The following AKAP6 variants were observed in gnomAD, a reference collection of about 807,000 sequenced individuals.
AKAP6 encodes A-kinase anchor protein 6.
AKAP6 carries 58 observed loss-of-function variants against 188.5 expected under a neutral mutation model. That is an observed-to-expected ratio of 0.31 (90% confidence interval 0.25 to 0.38). The LOEUF is 0.38. Among genes scored for constraint, AKAP6 ranks in the 10% least tolerant of loss-of-function variants. The probability of loss-of-function intolerance (pLI) is 1.00; values close to 1 mark genes in which losing one functional copy is unlikely to be tolerated. For missense variants in AKAP6, 2,710 were observed against 2,740.0 expected, an observed-to-expected ratio of 0.99 and a Z score of 0.24; for synonymous variants, 989 against 998.6, an observed-to-expected ratio of 0.99 and a Z score of 0.18.
At chr14:32,667,904 G>A (rs1018211992) in intron 7 of AKAP6, among the ~76,000 whole-genome samples, 1 of 152,086 alleles carries the variant, frequency 6.6e-6, no homozygotes, top group Non-Finnish European at 1.5e-5. Context: ...TGCAGTCATA[G>A]AGTTAATAGC....
At chr14:32,663,438 T>C (rs1888788686) in intron 7 of AKAP6, among the ~76,000 whole-genome samples, 1 of 152,076 alleles carries the variant, frequency 6.6e-6, no homozygotes, top group Non-Finnish European at 1.5e-5. Flanking sequence ...CATATCATAC[T>C]CTTGGGGAGC....
At chr14:32,704,487 A>T (rs1890734009) in intron 9 of AKAP6, among the ~76,000 whole-genome samples, 1 of 152,108 alleles carries the variant, frequency 6.6e-6, no homozygotes, top group Non-Finnish European at 1.5e-5. Context: ...ACTACTCAAA[A>T]CTATGTATAT....
At chr14:32,718,792 T>G (rs754223673) in intron 9 of AKAP6, among the ~76,000 whole-genome samples, 1 of 152,210 alleles carries the variant, frequency 6.6e-6, no homozygotes, top group African/African-American at 2.4e-5. Flanking sequence ...TAACACTGTA[T>G]CTGGCATATA....
At chr14:32,735,506 A>G in intron 10 of AKAP6, 152 bp from the exon 11 acceptor site, 2 of 591,152 alleles carry the variant, frequency 3.4e-6, no homozygotes, top group Non-Finnish European at 3.0e-6. Flanking sequence ...GGTGGCAGGT[A>G]TAGATGGACT....
intron 1 of AKAP6, among the ~76,000 whole-genome samples, chr14:32,335,610 A>G (rs1484955929): frequency 6.6e-6 from 1 of 152,178 alleles, no homozygotes; most frequent in Non-Finnish European, 1.5e-5. Context: ...ACTTGAAGAT[A>G]TTTGGTAGGT....
Position 32,834,651 on chromosome 14 carries a change from A to T in AKAP6, c.*4846A>T, listed in dbSNP as rs2034856429. 1 of 150,596 alleles carries T rather than the reference A, an allele frequency of 6.6e-6. No individual in the cohort carries two copies. The highest frequency in any genetic ancestry group is 2.4e-5 in the African/African-American group (1 of 40,918). The allele number at this position is 150,596 out of a possible 1,614,324, so 9.3% of individuals were successfully genotyped here. A position where few individuals can be genotyped will look rare whatever the true frequency, so the allele number is the denominator to read the frequency against. On this transcript the variant is annotated 3_prime_UTR_variant, in exon 14 of 14. Transcript: ENST00000280979. ...AAGTCCAGGCCAGTTTTGCAGAATG[A>T]TCCACAATCTTGATGGGTCTAGTTG...
At chr14:32,367,640 A>C (rs116024639) in intron 1 of AKAP6, among the ~76,000 whole-genome samples, 1 of 152,326 alleles carries the variant, frequency 6.6e-6, no homozygotes, top group African/African-American at 2.4e-5. Flanking sequence ...CAGTGACTAC[A>C]TCACCATTAG....
chr14:32,725,039 C>T (rs1406407678), intron 9 of AKAP6, among the ~76,000 whole-genome samples: 1 of 114,256 alleles, frequency 8.8e-6, no homozygotes, highest in Non-Finnish European at 1.7e-5. Flanking sequence ...AATAGACAGG[C>T]TGACAACAAT....
intron 2 of AKAP6, among the ~76,000 whole-genome samples, chr14:32,454,730 T>A (rs1408160342): frequency 3.4e-4 from 10 of 29,014 alleles, no homozygotes; most frequent in Admixed American, 9.2e-4. Flanking sequence ...TCTCCTTCCC[T>A]CCTTCCCTCC....
intron 1 of AKAP6, among the ~76,000 whole-genome samples, chr14:32,431,220 T>G (rs914528215): frequency 1.3e-5 from 2 of 152,214 alleles, no homozygotes; most frequent in South Asian, 4.1e-4. Context: ...GAAATTTTGT[T>G]ATCTTCTGAT....
At chr14:32,542,390 A>G (rs1245515401) in intron 3 of AKAP6, among the ~76,000 whole-genome samples, 1 of 152,242 alleles carries the variant, frequency 6.6e-6, no homozygotes, top group African/African-American at 2.4e-5. Context: ...CCCTGGTAAG[A>G]CAACCATTTT....
chr14:32,343,159 AGCTCTGT>A (rs1273657071), intron 1 of AKAP6, among the ~76,000 whole-genome samples: 1 of 152,108 alleles, frequency 6.6e-6, no homozygotes, highest in Non-Finnish European at 1.5e-5. Flanking sequence ...CACCCCCACT[AGCTCTGT>A]GCCCAGGGAA....
intron 11 of AKAP6, among the ~76,000 whole-genome samples, chr14:32,766,195 A>G (rs919714358): frequency 2.6e-5 from 4 of 152,148 alleles, no homozygotes; most frequent in Non-Finnish European, 5.9e-5. Context: ...TAAGTACTTC[A>G]TTTTTAAATG....
At chr14:32,432,824 A>T (rs1890263958) in intron 1 of AKAP6, among the ~76,000 whole-genome samples, 1 of 152,182 alleles carries the variant, frequency 6.6e-6, no homozygotes, top group Admixed American at 6.5e-5. Context: ...GTTTTTTCTC[A>T]CATAAAAGAA....
At chr14:32,433,179 A>T (rs1472197520) in intron 1 of AKAP6, 3 of 292,700 alleles carry the variant, frequency 1.0e-5, no homozygotes, top group Non-Finnish European at 2.0e-5. Context: ...ATGAACAGCT[A>T]AAAACCAGGA....
intron 5 of AKAP6, among the ~76,000 whole-genome samples, chr14:32,595,697 T>G (rs894763364): frequency 1.3e-5 from 2 of 152,006 alleles, no homozygotes; most frequent in East Asian, 3.9e-4. Context: ...TTTTGCTTGG[T>G]CAGCATAATT....
At chr14:32,601,552 C>T (rs770215792) in intron 7 of AKAP6, among the ~76,000 whole-genome samples, 3 of 152,116 alleles carry the variant, frequency 2.0e-5, no homozygotes, top group Admixed American at 6.6e-5. Context: ...TTGATATTTT[C>T]GTGTAATCAC....
At chr14:32,740,654 G>A (rs1201108329) in intron 11 of AKAP6, among the ~76,000 whole-genome samples, 1 of 151,874 alleles carries the variant, frequency 6.6e-6, no homozygotes, top group Non-Finnish European at 1.5e-5. Flanking sequence ...TATGTTCTTG[G>A]CAAGTTTGTT....
intron 11 of AKAP6, among the ~76,000 whole-genome samples, chr14:32,753,976 T>A (rs1251304848): frequency 1.3e-5 from 2 of 152,086 alleles, no homozygotes; most frequent in African/African-American, 4.8e-5. Flanking sequence ...AGCTTTTTAC[T>A]TTTTGCTTAA....
Sources: allele counts gnomAD v4.1 joint callset (sites outside exome capture counted in the v4.1 genomes callset), GRCh38; gene constraint gnomAD v4.1.1; transcripts MANE v1.5; gene names NCBI Gene and HGNC (gene_info 2026-07-23, HGNC 2026-07-21).